The following SLC22A15 variants were observed in gnomAD, a reference collection of about 807,000 sequenced individuals.
The protein encoded by SLC22A15 is solute carrier family 22 member 15.
A neutral mutation model predicts 62.7 loss-of-function variants in SLC22A15; 45 were observed. That is an observed-to-expected ratio of 0.72 (90% confidence interval 0.56 to 0.92). The LOEUF is 0.92. Among genes scored for constraint, SLC22A15 ranks in the 40% least tolerant of loss-of-function variants. The pLI, the probability that SLC22A15 is intolerant of heterozygous loss-of-function variation, is 0.00. For missense variants in SLC22A15, 622 were observed against 665.6 expected (o/e 0.93, Z 0.72); for synonymous variants, 264 against 267.0 (o/e 0.99, Z 0.11).
At chr1:116,015,211 CACT>C (rs1656464488) in intron 2 of SLC22A15, 1 of 152,178 alleles carries the variant, frequency 6.6e-6, no homozygotes, top group Admixed American at 6.5e-5. Flanking sequence ...ATCCCCAGTT[CACT>C]AGGATCTGTC....
rs536892295 is a variant in SLC22A15 at position 116,056,615 on chromosome 1, A to G, written c.1172-6147A>G. ...ATCGCCAAGTCAATCCTAAGCCAAA[A>G]GAACAAAGCTGGAGGCATCACGCTA... is the stretch of plus-strand genomic sequence containing the variant. On this transcript the variant is annotated intron_variant, in intron 8 of 11. Coordinates refer to ENST00000369503, the MANE Select transcript of SLC22A15 (RefSeq NM_018420.3). Among the ~76,000 whole-genome samples, 754 of 151,900 alleles carry G rather than the reference A, an allele frequency of 5.0e-3. 4 individuals are homozygous for G. The highest frequency in any genetic ancestry group is 0.017 in the African/African-American group (712 of 41,468).
At chr1:116,016,340 C>T (rs1431422970) in intron 2 of SLC22A15, among the ~76,000 whole-genome samples, 1 of 152,120 alleles carries the variant, frequency 6.6e-6, no homozygotes, top group Non-Finnish European at 1.5e-5. Context: ...AGTTCTGCCA[C>T]CTCAGCCTCC....
At chr1:115,985,960 AAAAGAG>A (rs1435441183) in intron 1 of SLC22A15, among the ~76,000 whole-genome samples, 13 of 151,882 alleles carry the variant, frequency 8.6e-5, no homozygotes, top group African/African-American at 3.1e-4. Context: ...AAAAAAAAAA[AAAAGAG>A]AGAGAAACAG....
chr1:115,976,685 T>G lies in SLC22A15; in HGVS notation c.58T>G (p.Leu20Val). ...GGAGATGGGCATCTACCAGATGTAC[T>G]TGTGCTTCCTGCTGGCCGTGCTGCT... ...VGEMGIYQMY[L>V]CFLLAVLLQL... Residue 20 changes from leucine to valine, a missense_variant, in exon 1 of 12, where the codon TTG becomes GTG. Coordinates refer to ENST00000369503, the MANE Select transcript of SLC22A15 (RefSeq NM_018420.3). 6.3e-7 allele frequency: 1 copy of G among 1,586,968 alleles called. No homozygotes were observed. Among genetic ancestry groups the G allele is most frequent in the Non-Finnish European group, 8.6e-7 (1 of 1,168,162 alleles).
intron 2 of SLC22A15, among the ~76,000 whole-genome samples, chr1:116,008,050 G>A (rs1638647588): frequency 6.6e-6 from 1 of 152,168 alleles, no homozygotes; most frequent in African/African-American, 2.4e-5. Flanking sequence ...TTGGCTCACT[G>A]GCAGTGAAGG....
chr1:115,983,858 T>A (rs1654729494), intron 1 of SLC22A15, among the ~76,000 whole-genome samples: 1 of 152,180 alleles, frequency 6.6e-6, no homozygotes, highest in East Asian at 1.9e-4. Context: ...CTAAGGCACC[T>A]GCCCCAACCT....
chr1:116,031,732 G>T (rs529328469), intron 6 of SLC22A15, 151 bp downstream of exon 6: 6 of 1,445,662 alleles, frequency 4.2e-6, no homozygotes, highest in African/African-American at 2.9e-5. Context: ...GATCCTTAGC[G>T]CCTGGTTTTC....
chr1:116,021,016 T>C, intron 4 of SLC22A15, 131 bp downstream of exon 4: 1 of 832,314 alleles, frequency 1.2e-6, no homozygotes, highest in Non-Finnish European at 1.8e-6. Flanking sequence ...AGATTTGCTT[T>C]TCTGATTTGG....
chr1:115,976,572 G>GGA lies in SLC22A15; in HGVS notation c.-54_-53dup, dbSNP rs1379791032. The stretch of plus-strand genomic sequence containing the variant: ...CGCCCAGGGGTTGCCGCGCTGGGCG[G>GGA]GAGGGCAGCGCCTGAGAGGGCGGTG... On this transcript the variant is annotated 5_prime_UTR_variant, in exon 1 of 12. Coordinates refer to ENST00000369503, the MANE Select transcript of SLC22A15 (RefSeq NM_018420.3). 4 of 1,379,824 alleles carry GGA rather than the reference G, an allele frequency of 2.9e-6. No individual in the cohort carries two copies. Among genetic ancestry groups the GGA allele is most frequent in the Non-Finnish European group, 3.0e-6 (3 of 1,011,532 alleles). 85.5% of individuals were successfully genotyped at this position (1,379,824 alleles called of 1,614,324 possible).
At chr1:115,981,316 C>T (rs1654598725) in intron 1 of SLC22A15, among the ~76,000 whole-genome samples, 1 of 152,206 alleles carries the variant, frequency 6.6e-6, no homozygotes, top group South Asian at 2.1e-4. Context: ...TTTCATGAGT[C>T]CAAAACATGT....
intron 1 of SLC22A15, among the ~76,000 whole-genome samples, chr1:115,978,152 A>G (rs1157567562): frequency 6.6e-6 from 1 of 152,124 alleles, no homozygotes; most frequent in Non-Finnish European, 1.5e-5. Flanking sequence ...TGTTCCAGCC[A>G]TGAATTCCAG....
intron 8 of SLC22A15, among the ~76,000 whole-genome samples, chr1:116,038,951 C>T (rs945064312): frequency 6.6e-6 from 1 of 152,114 alleles, no homozygotes; most frequent in Admixed American, 6.6e-5. Flanking sequence ...GTAACCTATC[C>T]CCTAGGACTC....
chr1:116,009,153 A>G (rs756031338), intron 2 of SLC22A15, among the ~76,000 whole-genome samples: 7 of 152,128 alleles, frequency 4.6e-5, no homozygotes, highest in Non-Finnish European at 1.0e-4. Flanking sequence ...CCCAGTGACA[A>G]CATTCACTAT....
In SLC22A15 at chr1:115,996,424, A is replaced by C. The variant is rs1283374129; in HGVS notation, c.300+4181A>C. Among the ~76,000 whole-genome samples the C allele has an allele frequency of 2.6e-5, 4 of 152,282 alleles. No homozygotes were observed. The East Asian group carries it at 7.7e-4, about 29-fold the overall frequency. ...TTTGGGGAGAATCAACGTCTTTACT[A>C]TGCTGAGTCTTCCAATACATCAACA... On this transcript the variant is annotated intron_variant, in intron 2 of 11. Coordinates refer to ENST00000369503, the MANE Select transcript of SLC22A15 (RefSeq NM_018420.3).
chr1:116,060,317 G>GC (rs1283184879), intron 8 of SLC22A15, among the ~76,000 whole-genome samples: 1 of 152,220 alleles, frequency 6.6e-6, no homozygotes, highest in Non-Finnish European at 1.5e-5. Flanking sequence ...GAAGTTTTAA[G>GC]CATCAGATGG....
At chr1:116,035,852 C>T (rs183674912) in intron 7 of SLC22A15, among the ~76,000 whole-genome samples, 154 of 152,224 alleles carry the variant, frequency 1.0e-3, no homozygotes, top group African/African-American at 3.4e-3. Context: ...AGATTTTAAA[C>T]GTTATTTTAT....
chr1:115,992,703 C>T (rs1655214216), intron 2 of SLC22A15, among the ~76,000 whole-genome samples: 1 of 149,142 alleles, frequency 6.7e-6, no homozygotes, highest in East Asian at 2.0e-4. Flanking sequence ...CTCACTGCAA[C>T]CTCTGCCTCC....
intron 2 of SLC22A15, among the ~76,000 whole-genome samples, chr1:116,007,721 C>T (rs1284282232): frequency 1.3e-5 from 2 of 152,142 alleles, no homozygotes; most frequent in Non-Finnish European, 2.9e-5. Context: ...AGTGAAATAA[C>T]AGATGAAGAG....
chr1:116,054,210 A>T (rs1658136024), intron 8 of SLC22A15, among the ~76,000 whole-genome samples: 1 of 152,130 alleles, frequency 6.6e-6, no homozygotes, highest in African/African-American at 2.4e-5. Context: ...ATGGAGGAAG[A>T]TCTACCAAGC....
Sources: gnomAD v4.1 joint callset for allele counts (sites outside exome capture counted in the v4.1 genomes callset) on GRCh38, gnomAD v4.1.1 for gene constraint, MANE v1.5 for transcripts, NCBI Gene and HGNC (gene_info 2026-07-23, HGNC 2026-07-21) for gene names.